FAM13C: variants seen among roughly 807,000 people sequenced by gnomAD.
FAM13C encodes family with sequence similarity 13 member C, also known as protein FAM13C.
A neutral mutation model predicts 73.2 loss-of-function variants in FAM13C; 37 were observed. The ratio of observed to expected loss-of-function variants is 0.51; its 90% CI spans 0.39 to 0.67. FAM13C has a LOEUF of 0.67. Among genes scored for constraint, FAM13C ranks in the 30% least tolerant of loss-of-function variants. The pLI is 0.00. For synonymous variants in FAM13C, 246 were observed against 260.9 expected (o/e 0.94, Z 0.55); for missense variants, 589 against 715.6 (o/e 0.82, Z 2.02).
chr10:59,357,374 A>G (rs190530451), intron 1 of FAM13C, among the ~76,000 whole-genome samples: 48 of 152,338 alleles, frequency 3.2e-4, no homozygotes, highest in African/African-American at 1.1e-3. Flanking sequence ...TTGATTAGTT[A>G]TTAATTCCAT....
chr10:59,330,753 G>A (rs284632), intron 3 of FAM13C, among the ~76,000 whole-genome samples: 70,951 of 151,930 alleles, frequency 0.47, 17,893 homozygotes, highest in African/African-American at 0.67. Context: ...CTCTCCAATT[G>A]CAACACATTG....
At chr10:59,254,621 A>C (rs1841763037) in intron 10 of FAM13C, among the ~76,000 whole-genome samples, 178 bp from the exon 11 acceptor site, 1 of 149,316 alleles carries the variant, frequency 6.7e-6, no homozygotes, top group Admixed American at 6.7e-5. Context: ...TTATTTATTT[A>C]GAGACAGAGT....
intron 5 of FAM13C, among the ~76,000 whole-genome samples, chr10:59,291,342 C>T (rs1846197469): frequency 6.6e-6 from 1 of 152,192 alleles, no homozygotes. Flanking sequence ...TTATCCCTCC[C>T]CTAAAGTAAA....
chr10:59,305,016 C>T (rs949697768), intron 4 of FAM13C, among the ~76,000 whole-genome samples: 6 of 152,132 alleles, frequency 3.9e-5, no homozygotes, highest in Non-Finnish European at 8.8e-5. Context: ...AGGGCCACAC[C>T]AGGTGCAGCC....
chr10:59,320,589 C>T (rs970334170), intron 4 of FAM13C, among the ~76,000 whole-genome samples: 2 of 152,208 alleles, frequency 1.3e-5, no homozygotes, highest in East Asian at 1.9e-4. Context: ...GTGAATCAGG[C>T]AGCCTTCCCA....
At chr10:59,314,102 T>C (rs972977852) in intron 4 of FAM13C, among the ~76,000 whole-genome samples, 5 of 152,084 alleles carry the variant, frequency 3.3e-5, no homozygotes, top group African/African-American at 1.2e-4. Context: ...AAGGAGAAGG[T>C]GCATGAAAAG....
intron 3 of FAM13C, chr10:59,327,700 G>A (rs1851366314): frequency 6.6e-6 from 1 of 151,912 alleles, no homozygotes; most frequent in Non-Finnish European, 1.5e-5. Flanking sequence ...GAACATTAAA[G>A]TAGGGTATGT....
chr10:59,264,807 A>G (rs1842856938), intron 8 of FAM13C, among the ~76,000 whole-genome samples: 1 of 151,862 alleles, frequency 6.6e-6, no homozygotes. Context: ...CTGTCCCTCT[A>G]CCCCCACAGA....
intron 3 of FAM13C, among the ~76,000 whole-genome samples, chr10:59,343,961 CTTT>C (rs1853876935): frequency 7.5e-6 from 1 of 133,252 alleles, no homozygotes; most frequent in Non-Finnish European, 1.6e-5. Flanking sequence ...TTTTTTTTTT[CTTT>C]TTTCTTTTTT....
intron 10 of FAM13C, among the ~76,000 whole-genome samples, chr10:59,261,631 A>G (rs1176699423): frequency 6.6e-6 from 1 of 152,130 alleles, no homozygotes; most frequent in Non-Finnish European, 1.5e-5. Flanking sequence ...ATGTAGTACA[A>G]GAAACAGAAA....
At position 59,246,867 on chromosome 10, in the gene FAM13C, A is replaced by G. The variant is rs1000992085; in HGVS notation, c.*747T>C. 3.2e-5 allele frequency: 12 copies of G among 373,196 alleles called. No individual in the cohort carries two copies. Among genetic ancestry groups the G allele is most frequent in the Non-Finnish European group, 5.2e-5 (11 of 210,650 alleles). The allele number at this position is 373,196 out of a possible 1,614,324, so 23.1% of individuals were successfully genotyped here. A position where few individuals can be genotyped will look rare whatever the true frequency, so the allele number is the denominator to read the frequency against. On this transcript the variant is annotated 3_prime_UTR_variant, in exon 14 of 14. Coordinates refer to ENST00000618804, the MANE Select transcript of FAM13C (RefSeq NM_198215.4). Reference sequence around the variant, plus strand: ...GATTATATACTACAGACACATATCTATCCAAAATACCTATTTTAAATTTTT... The same window carrying G: ...GATTATATACTACAGACACATATCTGTCCAAAATACCTATTTTAAATTTTT...
chr10:59,330,484 G>C (rs1851826605), intron 3 of FAM13C, among the ~76,000 whole-genome samples: 1 of 152,144 alleles, frequency 6.6e-6, no homozygotes, highest in Non-Finnish European at 1.5e-5. Flanking sequence ...GTTTTCACTA[G>C]TATTTGTTTT....
chr10:59,251,756 C>G, intron 12 of FAM13C, 80 bp from the exon 13 acceptor site: 1 of 1,064,786 alleles, frequency 9.4e-7, no homozygotes, highest in Non-Finnish European at 1.4e-6. Context: ...TCTGTTCAGC[C>G]AAAAAAGCAT....
chr10:59,268,779 T>C (rs1843372240), intron 7 of FAM13C, 88 bp from the exon 8 acceptor site: 2 of 1,485,978 alleles, frequency 1.3e-6, no homozygotes, highest in East Asian at 4.7e-5. Context: ...AATTCCTGGA[T>C]TGTCAGAGAA....
chr10:59,283,306 A>G, intron 6 of FAM13C, 57 bp downstream of exon 6: 5 of 1,558,424 alleles, frequency 3.2e-6, no homozygotes, highest in Non-Finnish European at 2.7e-6. Flanking sequence ...TGAACCAGCA[A>G]GAGACTGAAC....
intron 6 of FAM13C, among the ~76,000 whole-genome samples, chr10:59,272,256 A>G (rs1300434335): frequency 6.6e-6 from 1 of 152,220 alleles, no homozygotes; most frequent in Non-Finnish European, 1.5e-5. Context: ...GTGAGCCAGA[A>G]AGATCCCAAA....
chr10:59,286,215 G>A (rs1034320783), intron 5 of FAM13C, among the ~76,000 whole-genome samples: 1 of 152,112 alleles, frequency 6.6e-6, no homozygotes, highest in African/African-American at 2.4e-5. Flanking sequence ...GATATTTAGA[G>A]TAGTAAAATT....
chr10:59,280,210 G>T (rs569708198), intron 6 of FAM13C, among the ~76,000 whole-genome samples: 1 of 152,146 alleles, frequency 6.6e-6, no homozygotes, highest in Non-Finnish European at 1.5e-5. Context: ...CTAGCATGTG[G>T]GATATTTAGT....
At position 59,352,393 on chromosome 10, in the gene FAM13C, C is replaced by T. The variant is rs763503300; in HGVS notation, c.201G>A (p.Gln67=). Residue 67 remains glutamine (Q), a synonymous_variant, in exon 3 of 14, where the codon CAG becomes CAA. Transcript: ENST00000618804. ...CCAGCACGGTCGCCTCTACATTCTG[C>T]TGCTGCGGCTCCCAAGAGGGCGGCG... ...EHAPPSWEPQ[Q]QNVEATVLVD... is the part of the protein sequence containing the mutation. 4 of 1,613,980 alleles carry T rather than the reference C, an allele frequency of 2.5e-6. No individual in the cohort carries two copies. The Admixed American group carries it at 5.0e-5, about 20-fold the overall frequency.
Sources: gnomAD v4.1 joint callset for allele counts (sites outside exome capture counted in the v4.1 genomes callset) on GRCh38, gnomAD v4.1.1 for gene constraint, MANE v1.5 for transcripts, NCBI Gene and HGNC (gene_info 2026-07-23, HGNC 2026-07-21) for gene names.